Variants in PGAP6 observed in about 807,000 individuals in gnomAD.
PGAP6 encodes the protein post-GPI attachment to proteins factor 6.
PGAP6 carries 62 observed loss-of-function variants against 68.4 expected under a neutral mutation model. That is an observed-to-expected ratio of 0.91 (90% CI 0.74 to 1.12). The LOEUF (loss-of-function observed/expected upper bound fraction) is 1.12. Among genes scored for constraint, PGAP6 ranks in the 50% most tolerant of loss-of-function variants. PGAP6 has a pLI of 0.00. For synonymous variants in PGAP6, 575 were observed against 474.0 expected, an observed-to-expected ratio of 1.21 and a Z score of -2.77; for missense variants, 1,188 against 1,068.5, an observed-to-expected ratio of 1.11 and a Z score of -1.56.
In PGAP6 at chr16:376,400, C is replaced by G; in HGVS notation, c.960G>C (p.Gln320His). The G allele has an allele frequency of 6.2e-7, 1 of 1,601,748 alleles. No individual in the cohort carries two copies. The highest frequency in any genetic ancestry group is 8.5e-7 in the Non-Finnish European group (1 of 1,172,962). Residue 320 changes from glutamine (Q) to histidine (H), a missense_variant, in exon 6 of 13, where the codon CAG becomes CAC. Transcript: ENST00000431232. ...GCAGACCAGAGGAGGCATTGAAGCT[C>G]TGGTTTTGGCTGCTCTGCAGAAGGG... ...IQPLLQSSQN[Q>H]SFNASSGLLS...
chr16:381,408 G>A (rs1456318784), intron 1 of PGAP6, among the ~76,000 whole-genome samples: 1 of 151,828 alleles, frequency 6.6e-6, no homozygotes, highest in Non-Finnish European at 1.5e-5. Flanking sequence ...CCCGCGCCGG[G>A]CGCGCCGGAC....
At position 371,983 on chromosome 16, in the gene PGAP6, A is replaced by G; in HGVS notation, c.*4T>C. 1 of 1,609,754 alleles carries G rather than the reference A, an allele frequency of 6.2e-7. No homozygotes were observed. The highest frequency in any genetic ancestry group is 8.5e-7 in the Non-Finnish European group (1 of 1,177,868). On this transcript the variant is annotated 3_prime_UTR_variant, in exon 13 of 13. Coordinates refer to ENST00000431232, the MANE Select transcript of PGAP6 (RefSeq NM_021259.3). The stretch of plus-strand genomic sequence containing the variant: ...TCAGAGCAGCAGCTGTCCCCAGGCC[A>G]GTGTCACGTCACTGCGTACAGTTCC...
rs763017584 is a variant in PGAP6 at position 376,729 on chromosome 16, C to T, written c.719G>A (p.Arg240His). ...CAGGGTGACCGGGCCCACGGTGAGACGCACGGGGCAGCCCAGGCTCCCATT... is the reference window on the plus strand; with the variant it reads ...CAGGGTGACCGGGCCCACGGTGAGATGCACGGGGCAGCCCAGGCTCCCATT... ...VSNGSLGCPV[R>H]LTVGPVTLPS... is the part of the protein sequence containing the mutation. Residue 240 changes from arginine (R) to histidine (H), a missense_variant, in exon 5 of 13, where the codon CGT becomes CAT. Transcript: ENST00000431232. 1.7e-5 allele frequency: 27 copies of T among 1,611,596 alleles called. No individual in the cohort carries two copies. The highest frequency in any genetic ancestry group is 2.2e-5 in the South Asian group (2 of 91,030).
At chr16:378,997 C>A (rs1277821557) in intron 1 of PGAP6, among the ~76,000 whole-genome samples, 2 of 152,142 alleles carry the variant, frequency 1.3e-5, no homozygotes, top group Non-Finnish European at 2.9e-5. Flanking sequence ...CAGCCTCGTG[C>A]CCTTGCGACC....
At chr16:385,178 AAATGT>A (rs989089730), upstream of PGAP6, among the ~76,000 whole-genome samples, 9 of 151,966 alleles carry the variant, frequency 5.9e-5, no homozygotes, top group Admixed American at 2.0e-4. Context: ...AAAAAAAAAA[AAATGT>A]AATGGAGAAC....
intron 1 of PGAP6, among the ~76,000 whole-genome samples, chr16:379,089 C>T (rs891935998): frequency 1.8e-4 from 27 of 152,200 alleles, no homozygotes; most frequent in Non-Finnish European, 3.1e-4. Context: ...GGGCCCCTCC[C>T]TCCGAGGTTA....
In PGAP6 at chr16:371,896, C is replaced by G; in HGVS notation, c.*91G>C. ...TAGGCCAATTTATTCAGCTGGAAATCAATCTGTCCAGGGCTGGACCAGGCG... is the reference window on the plus strand; with the variant it reads ...TAGGCCAATTTATTCAGCTGGAAATGAATCTGTCCAGGGCTGGACCAGGCG... On this transcript the variant is annotated 3_prime_UTR_variant, in exon 13 of 13. Coordinates refer to ENST00000431232, the MANE Select transcript of PGAP6 (RefSeq NM_021259.3). 7.1e-7 allele frequency: 1 copy of G among 1,410,432 alleles called. No homozygotes were observed. Among genetic ancestry groups the G allele is most frequent in the Admixed American group, 2.1e-5 (1 of 47,624 alleles). The allele number at this position is 1,410,432 out of a possible 1,614,324, so 87.4% of individuals were successfully genotyped here.
chr16:378,222 C>T (rs62030802), intron 1 of PGAP6, among the ~76,000 whole-genome samples: 12,554 of 83,748 alleles, frequency 0.15, 434 homozygotes, highest in South Asian at 0.29. Flanking sequence ...CCATCGCCAC[C>T]CTGACTGCCA....
At position 377,585 on chromosome 16, in the gene PGAP6, C is replaced by T. The variant is rs1418621081; in HGVS notation, c.300G>A (p.Val100=). ...CCGGAGGGGCGCCGGAACGGAAGTGCCTGGAGACGGGAGAGCAGCACCGGG... is the reference window on the plus strand; with the variant it reads ...CCGGAGGGGCGCCGGAACGGAAGTGTCTGGAGACGGGAGAGCAGCACCGGG... The part of the protein sequence containing the change: ...GAACTDAEIT[V]HFRSGAPPVI... The change falls in exon 3 of 13, where the codon GTG becomes GTA. Residue 100 remains valine, a splice_region_variant and synonymous_variant. Coordinates refer to ENST00000431232, the MANE Select transcript of PGAP6 (RefSeq NM_021259.3). 1 of 1,574,016 alleles carries T rather than the reference C, an allele frequency of 6.4e-7. No homozygotes were observed. Among genetic ancestry groups the T allele is most frequent in the Non-Finnish European group, 8.6e-7 (1 of 1,160,228 alleles).
At chr16:377,210 G>A in intron 3 of PGAP6, 46 bp from the exon 4 acceptor site, 3 of 1,611,170 alleles carry the variant, frequency 1.9e-6, no homozygotes, top group African/African-American at 1.3e-5. Flanking sequence ...AGAGAATGCA[G>A]GTGTGAGGGC....
intron 6 of PGAP6, among the ~76,000 whole-genome samples, chr16:375,921 C>G (rs2054378172): frequency 6.6e-6 from 1 of 152,236 alleles, no homozygotes; most frequent in Non-Finnish European, 1.5e-5. Context: ...TCCACCCCAC[C>G]TCTGACCCGA....
At chr16:386,128 G>A (rs1226380860), upstream of PGAP6, among the ~76,000 whole-genome samples, 2 of 152,164 alleles carry the variant, frequency 1.3e-5, no homozygotes, top group African/African-American at 2.4e-5. Context: ...CCTGGCCGGA[G>A]GGGAGGGTTG....
chr16:385,737 G>C (rs2054480177), upstream of PGAP6, among the ~76,000 whole-genome samples: 1 of 145,484 alleles, frequency 6.9e-6, no homozygotes, highest in African/African-American at 2.6e-5. Flanking sequence ...CCATTCTCCT[G>C]CCTCAGCCTC....
At chr16:373,128 G>C (rs1249743681) in intron 11 of PGAP6, among the ~76,000 whole-genome samples, 1 of 152,144 alleles carries the variant, frequency 6.6e-6, no homozygotes, top group Non-Finnish European at 1.5e-5. Context: ...GTCTCCATCA[G>C]ACACCTCTGC....
chr16:386,793 G>A (rs756425431), upstream of PGAP6: 13 of 601,972 alleles, frequency 2.2e-5, 1 homozygote, highest in South Asian at 1.8e-4. Flanking sequence ...GGAAGCTCCT[G>A]CCTCTCCTGA....
upstream of PGAP6, chr16:382,044 C>G (rs1315223906): frequency 1.6e-4 from 77 of 472,832 alleles, no homozygotes; most frequent in East Asian, 4.0e-3. Flanking sequence ...GGGGCGGGAC[C>G]GGGGGGGGCG....
intron 1 of PGAP6, among the ~76,000 whole-genome samples, chr16:379,291 G>A (rs551440192): frequency 7.2e-5 from 11 of 152,288 alleles, no homozygotes; most frequent in African/African-American, 2.4e-4. Flanking sequence ...TGCCAGCCTC[G>A]TGACCCTCCC....
At chr16:375,105 C>A in intron 8 of PGAP6, 28 bp downstream of exon 8, 1 of 1,609,968 alleles carries the variant, frequency 6.2e-7, no homozygotes, top group African/African-American at 1.3e-5. Flanking sequence ...GGGTGCCTGG[C>A]CCCCGTCTCT....
upstream of PGAP6, chr16:384,531 C>T (rs2054468904): frequency 6.6e-6 from 1 of 152,244 alleles, no homozygotes; most frequent in South Asian, 2.1e-4. Context: ...ACCCCCTCAA[C>T]CTTCTGAAAA....
Sources: gnomAD v4.1 joint callset for allele counts (sites outside exome capture counted in the v4.1 genomes callset) on GRCh38, gnomAD v4.1.1 for gene constraint, MANE v1.5 for transcripts, NCBI Gene and HGNC (gene_info 2026-07-23, HGNC 2026-07-21) for gene names.